The following PCLO variants were observed in gnomAD, a reference collection of about 807,000 sequenced individuals.
PCLO encodes the protein piccolo presynaptic cytomatrix protein, also known as protein piccolo.
Under a neutral mutation model 427.5 loss-of-function variants are expected in PCLO, and 82 were observed. The ratio of observed to expected loss-of-function variants is 0.19; its 90% CI spans 0.16 to 0.23. The LOEUF (loss-of-function observed/expected upper bound fraction) is 0.23. PCLO is among the 10% of genes least tolerant of loss of function. The pLI is 1.00. For missense variants in PCLO, 6,239 were observed against 6,115.9 expected (o/e 1.02, Z -0.67); for synonymous variants, 2,357 against 2,155.4 (o/e 1.09, Z -2.59).
intron 9 of PCLO, among the ~76,000 whole-genome samples, chr7:82,881,726 C>T (rs1410683166): frequency 6.6e-6 from 1 of 152,128 alleles, no homozygotes; most frequent in Non-Finnish European, 1.5e-5. Context: ...CTCACTGCAG[C>T]CTCAAACTCA....
At chr7:82,832,807 ACAC>A (rs1792129127) in intron 16 of PCLO, among the ~76,000 whole-genome samples, 3 of 102,886 alleles carry the variant, frequency 2.9e-5, no homozygotes, top group Admixed American at 2.5e-4. Context: ...TACTACACAC[ACAC>A]ACACACACAC....
At chr7:82,826,800 A>T in intron 17 of PCLO, 140 bp from the exon 18 acceptor site, 1 of 437,796 alleles carries the variant, frequency 2.3e-6, no homozygotes, top group Middle Eastern at 5.3e-4. Context: ...ACCGAAAACT[A>T]TGTAGTTTAA....
rs1795487291 is a variant in PCLO, at chr7:82,955,398, T to C, written c.5555A>G (p.His1852Arg). Reference protein sequence around the residue: ...LRQAAEMEELHRSSCSEYSPS... With the variant: ...LRQAAEMEELRRSSCSEYSPS... ...TGAATATTCAGAACAAGAAGATCTA[T>C]GGAGCTCCTCCATTTCTGCAGCCTG... is the stretch of plus-strand genomic sequence containing the variant. The change falls in exon 5 of 25, where the codon CAT becomes CGT. Residue 1852 changes from histidine (H) to arginine (R), a missense_variant. By Grantham distance (29) the His-to-Arg change is conservative. This residue lies in a region of PCLO where 4,677 missense variants were observed against 4,468.4 expected (regional missense o/e 1.05). Coordinates refer to ENST00000333891, the MANE Select transcript of PCLO (RefSeq NM_033026.6). 6.2e-7 allele frequency: 1 copy of C among 1,613,940 alleles called. No individual in the cohort carries two copies. Among genetic ancestry groups the C allele is most frequent in the South Asian group, 1.1e-5 (1 of 91,062 alleles).
At chr7:82,941,619 T>TTA (rs147029996) in intron 6 of PCLO, among the ~76,000 whole-genome samples, 4,190 of 152,276 alleles carry the variant, frequency 0.028, 198 homozygotes, top group African/African-American at 0.097. Flanking sequence ...ATTTTATTAG[T>TTA]TATGAGACTA....
intron 6 of PCLO, among the ~76,000 whole-genome samples, chr7:82,922,046 C>T (rs951366509): frequency 1.3e-5 from 2 of 151,838 alleles, no homozygotes; most frequent in African/African-American, 4.8e-5. Context: ...CTACACCAGT[C>T]AGAATGGCTA....
Position 82,950,302 on chromosome 7 carries a change from T to A in PCLO, c.10286A>T (p.Asn3429Ile). The A allele has an allele frequency of 6.2e-7, 1 of 1,613,610 alleles. No individual in the cohort carries two copies. The change falls in exon 6 of 25, where the codon AAT (asparagine) becomes ATT (isoleucine). Residue 3429 changes from asparagine (N) to isoleucine (I), a missense_variant. Physicochemically the swap from Asn to Ile is moderately radical, Grantham distance 149 (BLOSUM62 -3). This residue lies in a region of PCLO where 4,677 missense variants were observed against 4,468.4 expected (regional missense o/e 1.05). Transcript: ENST00000333891. ...VRGQYDDMGE[N>I]MTDDPRSFKK... ...AAAACTTCGGGGATCATCTGTCATA[T>A]TTTCTCCCATGTCATCATACTGTCC...
intron 3 of PCLO, among the ~76,000 whole-genome samples, chr7:83,133,587 A>G (rs951506522): frequency 1.3e-5 from 2 of 152,040 alleles, no homozygotes; most frequent in Admixed American, 6.6e-5. Flanking sequence ...AGAAATTCAT[A>G]TATCTTTCTT....
intron 9 of PCLO, chr7:82,880,504 A>C (rs932727402): frequency 1.5e-5 from 4 of 271,862 alleles, no homozygotes; most frequent in Non-Finnish European, 3.1e-5. Context: ...TCGGCCTCTC[A>C]CAGTGCTGGA....
intron 14 of PCLO, among the ~76,000 whole-genome samples, chr7:82,839,448 GA>G (rs1322288904): frequency 2.6e-5 from 4 of 151,908 alleles, no homozygotes; most frequent in African/African-American, 9.7e-5. Flanking sequence ...CAGTGAAAAA[GA>G]AAGCAAAGTA....
intron 3 of PCLO, among the ~76,000 whole-genome samples, chr7:83,054,108 G>T (rs1204240701): frequency 1.3e-5 from 2 of 151,930 alleles, no homozygotes; most frequent in Non-Finnish European, 2.9e-5. Context: ...TGCCAAGAAA[G>T]AAACATGATA....
rs1459722621 is a variant in PCLO, at chr7:82,915,944, A to C, written c.12042T>G (p.Gly4014=). 3.1e-6 allele frequency: 5 copies of C among 1,612,998 alleles called. No homozygotes were observed. The highest frequency in any genetic ancestry group is 4.2e-6 in the Non-Finnish European group (5 of 1,179,732). Residue 4014 remains glycine (G), a synonymous_variant, in exon 7 of 25, where the codon GGT becomes GGG. Transcript: ENST00000333891. ...SKYNSLDLRI[G]LEERSSMASS... ...TTGCCATGCTACTTCTTTCCTCCAA[A>C]CCTATTCTCAAGTCTAAACTATTGT...
chr7:82,862,431 C>T (rs1372843697), intron 10 of PCLO, among the ~76,000 whole-genome samples: 1 of 151,470 alleles, frequency 6.6e-6, no homozygotes, highest in African/African-American at 2.4e-5. Context: ...TCATATGAAC[C>T]CACAATCCTA....
At chr7:83,062,204 T>C (rs569325470) in intron 3 of PCLO, among the ~76,000 whole-genome samples, 4 of 152,180 alleles carry the variant, frequency 2.6e-5, no homozygotes, top group Non-Finnish European at 5.9e-5. Context: ...TACAATTGGA[T>C]CTGAACTCAA....
In PCLO at chr7:83,134,550, T is replaced by C; in HGVS notation, c.3000A>G (p.Thr1000=). ...CTAATTTTTCAGCTGCTGGGGCTTT[T>C]GTTTCCTTTTTCACAGGTATACTTT... The part of the protein sequence containing the change: ...PAKSIPVKKE[T]KAPAAEKLEP... Residue 1000 remains threonine (T), a synonymous_variant, in exon 3 of 25, where the codon ACA becomes ACG. Transcript: ENST00000333891. The C allele has an allele frequency of 1.2e-6, 2 of 1,613,938 alleles. No individual in the cohort carries two copies. The highest frequency in any genetic ancestry group is 1.7e-6 in the Non-Finnish European group (2 of 1,179,878).
At chr7:83,120,464 A>G (rs1160072966) in intron 3 of PCLO, among the ~76,000 whole-genome samples, 1 of 151,846 alleles carries the variant, frequency 6.6e-6, no homozygotes, top group African/African-American at 2.4e-5. Flanking sequence ...AACCTAGAGA[A>G]AGTTACCAAT....
Position 83,157,858 on chromosome 7 carries a change from A to G in PCLO, c.249-1466T>C, listed in dbSNP as rs1402585276. Among the ~76,000 whole-genome samples, 4 of 152,184 alleles carry G rather than the reference A, an allele frequency of 2.6e-5. 1 individual carries two copies. In the South Asian group the frequency reaches 8.3e-4, roughly 32 times the overall value. On this transcript the variant is annotated intron_variant, in intron 1 of 24. Coordinates refer to ENST00000333891, the MANE Select transcript of PCLO (RefSeq NM_033026.6). Reference sequence around the variant, plus strand: ...GTAACTTAGTAGCACCTAAAATATAATATCAGAATAAAGATTTATAGGTTC... The same window carrying G: ...GTAACTTAGTAGCACCTAAAATATAGTATCAGAATAAAGATTTATAGGTTC...
chr7:82,815,777 A>G (rs1562798581), intron 20 of PCLO, among the ~76,000 whole-genome samples: 2 of 152,046 alleles, frequency 1.3e-5, no homozygotes, highest in African/African-American at 2.4e-5. Flanking sequence ...TTTTGCCATT[A>G]CTTTCAATGG....
At chr7:83,044,137 G>T (rs6962335) in intron 3 of PCLO, among the ~76,000 whole-genome samples, 14 of 151,764 alleles carry the variant, frequency 9.2e-5, no homozygotes, top group Non-Finnish European at 1.6e-4. Context: ...TGGTGGCAGG[G>T]GAGAGACAGC....
chr7:82,885,916 G>A (rs1348772009), intron 9 of PCLO, among the ~76,000 whole-genome samples: 1 of 152,164 alleles, frequency 6.6e-6, no homozygotes, highest in Non-Finnish European at 1.5e-5. Flanking sequence ...CCAAAGAAGT[G>A]ACTTGGCAGT....
Sources: gnomAD v4.1 joint callset for allele counts (sites outside exome capture counted in the v4.1 genomes callset) on GRCh38, gnomAD v4.1.1 for gene constraint, gnomAD v4.1.1 regional missense constraint, MANE v1.5 for transcripts, NCBI Gene and HGNC (gene_info 2026-07-23, HGNC 2026-07-21) for gene names.